Variants in AQP1 observed in about 807,000 individuals in gnomAD.
AQP1 encodes aquaporin-1.
Under a neutral mutation model 19.7 loss-of-function variants are expected in AQP1, and 11 were observed. The observed-to-expected ratio is 0.56, with a 90% confidence interval of 0.35 to 0.92. The LOEUF is 0.92. Ranked by LOEUF, AQP1 falls within the 40% of genes least tolerant of loss-of-function variation. AQP1 has a pLI of 0.01. For missense variants in AQP1, 320 were observed against 369.7 expected, an observed-to-expected ratio of 0.87 and a Z score of 1.10; for synonymous variants, 159 against 166.7, an observed-to-expected ratio of 0.95 and a Z score of 0.36.
At chr7:30,921,500 A>C in intron 1 of AQP1, 2 of 1,493,846 alleles carry the variant, frequency 1.3e-6, no homozygotes, top group Non-Finnish European at 1.8e-6. Context: ...GAGAGGGTGG[A>C]GACAATAGGG....
chr7:30,922,197 C>G lies in AQP1; in HGVS notation c.516C>G (p.Ile172Met), dbSNP rs192670428. The G allele has an allele frequency of 6.3e-7, 1 of 1,599,552 alleles. No homozygotes were observed. Among genetic ancestry groups the G allele is most frequent in the Non-Finnish European group, 8.5e-7 (1 of 1,173,458 alleles). The change falls in exon 2 of 4, where the codon ATC (isoleucine) becomes ATG (methionine). Residue 172 changes from isoleucine to methionine, a missense_variant. By Grantham distance (10) the Ile-to-Met change is conservative (BLOSUM62 1). Transcript: ENST00000311813. ...RDLGGSAPLA[I>M]GLSVALGHLL... ...TTGGTGGCTCAGCCCCCCTTGCCATCGGCCTCTCTGTAGCCCTTGGACACC... is the reference window on the plus strand; with the variant it reads ...TTGGTGGCTCAGCCCCCCTTGCCATGGGCCTCTCTGTAGCCCTTGGACACC...
chr7:30,915,113 C>G (rs1156404633), intron 1 of AQP1, among the ~76,000 whole-genome samples: 7 of 152,244 alleles, frequency 4.6e-5, no homozygotes, highest in African/African-American at 1.7e-4. Context: ...TGGCTGGGCT[C>G]TGAGAAGTAG....
chr7:30,913,577 T>G (rs535210604), intron 1 of AQP1, among the ~76,000 whole-genome samples: 3 of 152,054 alleles, frequency 2.0e-5, no homozygotes, highest in African/African-American at 7.2e-5. Flanking sequence ...TCCTCTCGCT[T>G]CCCAGCCAAA....
intron 1 of AQP1, among the ~76,000 whole-genome samples, chr7:30,919,827 G>T (rs1358240108): frequency 6.6e-6 from 1 of 152,318 alleles, no homozygotes; most frequent in South Asian, 2.1e-4. Flanking sequence ...TAATGCAAGT[G>T]TATTAGATAG....
At chr7:30,913,059 A>C (rs974489102) in intron 1 of AQP1, among the ~76,000 whole-genome samples, 14 of 151,880 alleles carry the variant, frequency 9.2e-5, no homozygotes, top group African/African-American at 3.4e-4. Context: ...TGCTTGTGTC[A>C]ACTGTGTGCA....
rs1011780555 is a variant in AQP1 at position 30,912,469 on chromosome 7, C to G, written c.384+176C>G. Among the ~76,000 whole-genome samples, 12 of 152,200 alleles carry G rather than the reference C, an allele frequency of 7.9e-5. No homozygotes were observed. The highest frequency in any genetic ancestry group is 2.9e-4 in the African/African-American group (12 of 41,440). On this transcript the variant is annotated intron_variant, in intron 1 of 3. Transcript: ENST00000311813. This position sits in a 1 kb window ranked among gnomAD's most constrained non-coding sequence, Gnocchi z 4.3. Reference sequence around the variant, plus strand: ...TGGGGCTGGAACTCAGCTATGCATGCCTCCCAAAGCCTGTTTTCTGCCAGG... The same window carrying G: ...TGGGGCTGGAACTCAGCTATGCATGGCTCCCAAAGCCTGTTTTCTGCCAGG...
At chr7:30,915,521 T>C (rs552672095) in intron 1 of AQP1, among the ~76,000 whole-genome samples, 1 of 151,782 alleles carries the variant, frequency 6.6e-6, no homozygotes, top group South Asian at 2.1e-4. Context: ...GTACGGGAGT[T>C]GTTGGGTATG....
At position 30,925,244 on chromosome 7, in the gene AQP1, A is replaced by G. The variant is rs1214179399; in HGVS notation, c.*1615A>G. 1 of 152,260 alleles carries G rather than the reference A, an allele frequency of 6.6e-6. No individual in the cohort carries two copies. Among genetic ancestry groups the G allele is most frequent in the Admixed American group, 6.5e-5 (1 of 15,288 alleles). The allele number at this position is 152,260 out of a possible 1,614,324, so 9.4% of individuals were successfully genotyped here. A position where few individuals can be genotyped will look rare whatever the true frequency, so the allele number is the denominator to read the frequency against. On this transcript the variant is annotated 3_prime_UTR_variant, in exon 4 of 4. Transcript: ENST00000311813. ...GTTTCAGCTAGACAATGATTTGGCC[A>G]GGCCTAGTAACCAAGGCCCTGTCTC...
chr7:30,918,029 C>G (rs1668220189), intron 1 of AQP1, among the ~76,000 whole-genome samples: 1 of 150,708 alleles, frequency 6.6e-6, no homozygotes, highest in Non-Finnish European at 1.5e-5. Flanking sequence ...GAGTCTCACT[C>G]TGTCGCCCAG....
rs1791551551 is a variant in AQP1 at position 30,922,641 on chromosome 7, C to T, written c.627C>T (p.His209=). ...TGATCACACACAACTTCAGCAACCACTGGGTAGGAGACCCACGGGGGGTGG... is the reference window on the plus strand; with the variant it reads ...TGATCACACACAACTTCAGCAACCATTGGGTAGGAGACCCACGGGGGGTGG... ...SAVITHNFSN[H]WIFWVGPFIG... The change falls in exon 3 of 4, where the codon CAC becomes CAT. Residue 209 remains histidine, a synonymous_variant. Coordinates refer to ENST00000311813, the MANE Select transcript of AQP1 (RefSeq NM_198098.4). 1.9e-6 allele frequency: 3 copies of T among 1,614,008 alleles called. No homozygotes were observed. Among genetic ancestry groups the T allele is most frequent in the African/African-American group, 1.3e-5 (1 of 75,034 alleles).
In AQP1 at chr7:30,922,101, C is replaced by G. The variant is rs775584127; in HGVS notation, c.420C>G (p.Gly140=). The change falls in exon 2 of 4, where the codon GGC becomes GGG. Residue 140 remains glycine (G), a synonymous_variant. Coordinates refer to ENST00000311813, the MANE Select transcript of AQP1 (RefSeq NM_198098.4). The stretch of plus-strand genomic sequence containing the variant: ...GTGTGAACTCGGGCCAGGGCCTGGG[C>G]ATCGAGATCATCGGGACCCTCCAGC... The part of the protein sequence containing the change: ...ADGVNSGQGL[G]IEIIGTLQLV... The G allele has an allele frequency of 6.2e-7, 1 of 1,613,986 alleles. No individual in the cohort carries two copies. Among genetic ancestry groups the G allele is most frequent in the African/African-American group, 1.3e-5 (1 of 74,942 alleles).
At chr7:30,919,213 C>A (rs531289562) in intron 1 of AQP1, among the ~76,000 whole-genome samples, 2 of 152,290 alleles carry the variant, frequency 1.3e-5, no homozygotes, top group African/African-American at 4.8e-5. Context: ...CTGTCTTCAC[C>A]GAGCTCCCAG....
intron 1 of AQP1, among the ~76,000 whole-genome samples, chr7:30,915,993 C>T (rs1447869600): frequency 2.0e-5 from 3 of 152,182 alleles, no homozygotes; most frequent in Non-Finnish European, 4.4e-5. Flanking sequence ...ACTGTTTCCG[C>T]CAGCCCCAGA....
chr7:30,922,140 G>A lies in AQP1; in HGVS notation c.459G>A (p.Val153=). Residue 153 remains valine (V), a synonymous_variant, in exon 2 of 4, where the codon GTG becomes GTA. Coordinates refer to ENST00000311813, the MANE Select transcript of AQP1 (RefSeq NM_198098.4). ...GGACCCTCCAGCTGGTGCTATGCGT[G>A]CTGGCTACTACCGACCGGAGGCGCC... is the stretch of plus-strand genomic sequence containing the variant. ...IIGTLQLVLC[V]LATTDRRRRD... 1 of 1,613,976 alleles carries A rather than the reference G, an allele frequency of 6.2e-7. No homozygotes were observed. Among genetic ancestry groups the A allele is most frequent in the East Asian group, 2.2e-5 (1 of 44,874 alleles).
chr7:30,915,350 G>A (rs10261705), intron 1 of AQP1, among the ~76,000 whole-genome samples: 4,613 of 148,204 alleles, frequency 0.031, 258 homozygotes, highest in African/African-American at 0.11. Context: ...GCGATAAGAG[G>A]TGTCAGGGCG....
intron 1 of AQP1, among the ~76,000 whole-genome samples, chr7:30,914,203 T>C (rs113566028): frequency 6.6e-5 from 10 of 152,280 alleles, no homozygotes; most frequent in African/African-American, 2.4e-4. Context: ...GCTGGGCGTG[T>C]TGCAAATGGG....
At chr7:30,913,216 G>A (rs1791214633) in intron 1 of AQP1, 1 of 152,258 alleles carries the variant, frequency 6.6e-6, no homozygotes, top group Non-Finnish European at 1.5e-5. Flanking sequence ...ATGTCTCCTG[G>A]GCTGCTTAGC....
At chr7:30,916,371 C>G (rs1158449559) in intron 1 of AQP1, among the ~76,000 whole-genome samples, 4 of 152,246 alleles carry the variant, frequency 2.6e-5, no homozygotes, top group African/African-American at 9.6e-5. Flanking sequence ...TCTAGGGCCC[C>G]CACCCAGCAG....
rs373652391 is a variant in AQP1, at chr7:30,924,081, G to A, written c.*452G>A. 5.6e-5 allele frequency: 68 copies of A among 1,211,344 alleles called. No homozygotes were observed. The highest frequency in any genetic ancestry group is 3.0e-4 in the South Asian group (20 of 66,840). The allele number at this position is 1,211,344 out of a possible 1,614,324, so 75.0% of individuals were successfully genotyped here. A position where few individuals can be genotyped will look rare whatever the true frequency, so the allele number is the denominator to read the frequency against. Reference sequence around the variant, plus strand: ...ACCTTGCTCCCAATGGTGCTTGGAGGGGGAAGAGATCCCAGGAGGTGCAGT... The same window carrying A: ...ACCTTGCTCCCAATGGTGCTTGGAGAGGGAAGAGATCCCAGGAGGTGCAGT... On this transcript the variant is annotated 3_prime_UTR_variant, in exon 4 of 4. Coordinates refer to ENST00000311813, the MANE Select transcript of AQP1 (RefSeq NM_198098.4).
Sources: gnomAD v4.1 joint callset for allele counts (sites outside exome capture counted in the v4.1 genomes callset) on GRCh38, gnomAD v4.1.1 for gene constraint, Gnocchi (gnomAD v3.1) non-coding constraint, MANE v1.5 for transcripts, NCBI Gene and HGNC (gene_info 2026-07-23, HGNC 2026-07-21) for gene names.